The following SEC24A variants were observed in gnomAD, a reference collection of about 807,000 sequenced individuals.
The protein encoded by SEC24A is protein transport protein Sec24A.
SEC24A carries 93 observed loss-of-function variants against 129.4 expected under a neutral mutation model. The observed-to-expected ratio is 0.72, with a 90% CI of 0.61 to 0.85. SEC24A has a LOEUF of 0.85. Ranked by LOEUF, SEC24A falls within the 40% of genes least tolerant of loss-of-function variation. The pLI, the probability that SEC24A is intolerant of heterozygous loss-of-function variation, is 0.00. For missense variants in SEC24A, 1,264 were observed against 1,307.4 expected (o/e 0.97, Z 0.51); for synonymous variants, 460 against 467.3 (o/e 0.98, Z 0.20).
chr5:134,660,408 A>G (rs907596224), intron 1 of SEC24A, among the ~76,000 whole-genome samples: 2 of 152,168 alleles, frequency 1.3e-5, no homozygotes, highest in East Asian at 3.9e-4. Context: ...AAATTGTAAT[A>G]CAAATATGAA....
At chr5:134,714,722 T>C (rs1014554508) in intron 18 of SEC24A, among the ~76,000 whole-genome samples, 2 of 152,244 alleles carry the variant, frequency 1.3e-5, no homozygotes, top group Admixed American at 6.5e-5. Flanking sequence ...GTTACATCAT[T>C]ATCACTATCA....
Position 134,697,223 on chromosome 5 carries a change from A to G in SEC24A, c.2084A>G (p.Gln695Arg), listed in dbSNP as rs769423213. 6.9e-6 allele frequency: 11 copies of G among 1,601,138 alleles called. No homozygotes were observed. In the Admixed American group the frequency reaches 1.2e-4, roughly 17 times the overall value. ...VAVDLFLLSG[Q>R]YSDLASLGCI... ...GTTGACTTATTCCTTCTCAGTGGACAGTATTCTGATTTGGCTTCTCTGGGT... is the reference window on the plus strand; with the variant it reads ...GTTGACTTATTCCTTCTCAGTGGACGGTATTCTGATTTGGCTTCTCTGGGT... The change falls in exon 14 of 23, where the codon CAG becomes CGG. Residue 695 changes from glutamine to arginine, a missense_variant. Coordinates refer to ENST00000398844, the MANE Select transcript of SEC24A (RefSeq NM_021982.3).
At position 134,686,907 on chromosome 5, in the gene SEC24A, G is replaced by A. The variant is rs765805090; in HGVS notation, c.1604+5G>A. 3 of 1,505,464 alleles carry A rather than the reference G, an allele frequency of 2.0e-6. No individual in the cohort carries two copies. The highest frequency in any genetic ancestry group is 3.6e-5 in the Admixed American group (2 of 55,858). 93.3% of individuals were successfully genotyped at this position (1,505,464 alleles called of 1,614,324 possible). On this transcript the variant is annotated splice_donor_5th_base_variant and intron_variant, in intron 10 of 22. Coordinates refer to ENST00000398844, the MANE Select transcript of SEC24A (RefSeq NM_021982.3). The stretch of plus-strand genomic sequence containing the variant: ...TTTGTTAGACAATCTGGATTTGTAA[G>A]TTTCTCAATTCAGCTTAAATATGAA...
chr5:134,705,090 A>ATATATATATATATATATATTT (rs1180461537), intron 16 of SEC24A, among the ~76,000 whole-genome samples: 1 of 123,306 alleles, frequency 8.1e-6, no homozygotes, highest in Non-Finnish European at 1.7e-5. Flanking sequence ...ATATATATAT[A>ATATATATATATATATATATTT]TTTTTTTTTT....
At chr5:134,694,504 G>A (rs1464752823) in intron 13 of SEC24A, among the ~76,000 whole-genome samples, 4 of 152,088 alleles carry the variant, frequency 2.6e-5, no homozygotes, top group African/African-American at 7.2e-5. Context: ...AAAATTAGCC[G>A]GGTGTGGTGG....
At chr5:134,722,242 G>A (rs1033249805) in intron 21 of SEC24A, among the ~76,000 whole-genome samples, 1 of 152,034 alleles carries the variant, frequency 6.6e-6, no homozygotes, top group Non-Finnish European at 1.5e-5. Flanking sequence ...TGTAATCTCA[G>A]CGCTTTGGGA....
intron 1 of SEC24A, among the ~76,000 whole-genome samples, chr5:134,653,712 T>TA (rs1750142979): frequency 6.6e-6 from 1 of 151,434 alleles, no homozygotes; most frequent in Non-Finnish European, 1.5e-5. Flanking sequence ...AAAGAATTTT[T>TA]AAAAAATAGG....
At chr5:134,672,479 T>C (rs550774189) in intron 4 of SEC24A, among the ~76,000 whole-genome samples, 26 of 151,738 alleles carry the variant, frequency 1.7e-4, no homozygotes, top group African/African-American at 6.3e-4. Flanking sequence ...TGAGCCACCA[T>C]GCCCAGGCCC....
chr5:134,720,422 C>T (rs773661308), intron 20 of SEC24A, among the ~76,000 whole-genome samples: 7 of 152,126 alleles, frequency 4.6e-5, no homozygotes, highest in Admixed American at 1.3e-4. Context: ...CTTAACAACA[C>T]GTTTCTCAGC....
chr5:134,713,007 C>T (rs1195125104), intron 18 of SEC24A, among the ~76,000 whole-genome samples: 2 of 147,522 alleles, frequency 1.4e-5, no homozygotes, highest in Non-Finnish European at 3.0e-5. Context: ...TCTCGGCTCA[C>T]TGCAAGCTCC....
At chr5:134,698,273 T>C (rs940435025) in intron 15 of SEC24A, among the ~76,000 whole-genome samples, 3 of 152,038 alleles carry the variant, frequency 2.0e-5, no homozygotes, top group African/African-American at 7.2e-5. Flanking sequence ...AAATAGAGAA[T>C]TTTATGGTGT....
intron 4 of SEC24A, 101 bp from the exon 5 acceptor site, chr5:134,674,514 G>T: frequency 2.9e-6 from 3 of 1,050,570 alleles, no homozygotes; most frequent in South Asian, 3.4e-5. Flanking sequence ...TGCAGCCTGG[G>T]CAATAGTGAG....
At chr5:134,717,221 T>C (rs1249477988) in intron 19 of SEC24A, among the ~76,000 whole-genome samples, 5 of 151,810 alleles carry the variant, frequency 3.3e-5, no homozygotes, top group Non-Finnish European at 7.4e-5. Flanking sequence ...CAGAAGTTAA[T>C]GGCCAGGCAC....
At chr5:134,679,571 T>C in intron 7 of SEC24A, 31 bp from the exon 8 acceptor site, 1 of 1,517,458 alleles carries the variant, frequency 6.6e-7, no homozygotes. Flanking sequence ...TTTTTGCCTT[T>C]AAAAATTTAA....
chr5:134,703,656 T>C (rs1220770877), intron 15 of SEC24A, 103 bp from the exon 16 acceptor site: 5 of 742,466 alleles, frequency 6.7e-6, no homozygotes, highest in Non-Finnish European at 9.2e-6. Context: ...GTGTATTATC[T>C]AGATTTCTTT....
chr5:134,704,881 T>C (rs1254614038), intron 16 of SEC24A, among the ~76,000 whole-genome samples: 1 of 150,926 alleles, frequency 6.6e-6, no homozygotes, highest in Non-Finnish European at 1.5e-5. Flanking sequence ...CTTACTATGT[T>C]GTTCAGCCCT....
chr5:134,652,994 A>G (rs1387525662), intron 1 of SEC24A, among the ~76,000 whole-genome samples: 5 of 147,660 alleles, frequency 3.4e-5, no homozygotes, highest in African/African-American at 7.5e-5. Flanking sequence ...TTTAGTAGAG[A>G]CAGCGTTTCA....
rs199504295 is a variant in SEC24A, at chr5:134,721,052, C to A, written c.3025C>A (p.Leu1009Ile). 1 of 1,612,560 alleles carries A rather than the reference C, an allele frequency of 6.2e-7. No individual in the cohort carries two copies. Among genetic ancestry groups the A allele is most frequent in the South Asian group, 1.1e-5 (1 of 91,042 alleles). Reference protein sequence around the residue: ...NCTQNFLSQVLGVQNYASIPQ... With the variant: ...NCTQNFLSQVIGVQNYASIPQ... ...TACACAGAATTTTCTCAGCCAAGTTCTAGGAGTTCAAAACTATGCATCAAT... is the reference window on the plus strand; with the variant it reads ...TACACAGAATTTTCTCAGCCAAGTTATAGGAGTTCAAAACTATGCATCAAT... The change falls in exon 21 of 23, where the codon CTA becomes ATA. Residue 1009 changes from leucine to isoleucine, a missense_variant. Leu to Ile is a conservative substitution (Grantham distance 5). Transcript: ENST00000398844.
At chr5:134,648,383 G>C (rs970416359), upstream of SEC24A, 1 of 152,366 alleles carries the variant, frequency 6.6e-6, no homozygotes, top group Non-Finnish European at 1.5e-5. Flanking sequence ...AACCGCCCCA[G>C]CTCCCAGTGG....
Sources: gnomAD v4.1 joint callset for allele counts (sites outside exome capture counted in the v4.1 genomes callset) on GRCh38, gnomAD v4.1.1 for gene constraint, MANE v1.5 for transcripts, NCBI Gene and HGNC (gene_info 2026-07-23, HGNC 2026-07-21) for gene names.